Variants in ITGAV observed in about 807,000 individuals in gnomAD.
ITGAV encodes integrin alpha-V.
Under a neutral mutation model 143.8 loss-of-function variants are expected in ITGAV, and 76 were observed. The observed-to-expected ratio is 0.53, with a 90% CI of 0.44 to 0.64. The LOEUF is 0.64. ITGAV is among the 30% of genes least tolerant of loss of function. The pLI, the probability that ITGAV is intolerant of heterozygous loss-of-function variation, is 0.00. For synonymous variants in ITGAV, 453 were observed against 446.7 expected (o/e 1.01, Z -0.18); for missense variants, 1,193 against 1,274.7 (o/e 0.94, Z 0.98).
intron 10 of ITGAV, among the ~76,000 whole-genome samples, chr2:186,639,435 G>A (rs1378712363): frequency 6.6e-6 from 1 of 152,112 alleles, no homozygotes; most frequent in South Asian, 2.1e-4. Flanking sequence ...GGAGGGCCCT[G>A]CAGTTGACAG....
intron 3 of ITGAV, among the ~76,000 whole-genome samples, chr2:186,624,920 C>A (rs12620429): frequency 0.13 from 19,022 of 149,248 alleles, 1,487 homozygotes; most frequent in Middle Eastern, 0.22. Flanking sequence ...AAGAAATATA[C>A]TACCTGAAAT....
At chr2:186,648,954 GTATA>G (rs772019697) in intron 13 of ITGAV, among the ~76,000 whole-genome samples, 98 of 145,266 alleles carry the variant, frequency 6.7e-4, no homozygotes, top group African/African-American at 2.2e-3. Context: ...ACATTTGTGT[GTATA>G]TATATATACA....
intron 26 of ITGAV, among the ~76,000 whole-genome samples, chr2:186,671,802 T>C (rs1398578573): frequency 6.6e-6 from 1 of 152,162 alleles, no homozygotes; most frequent in Non-Finnish European, 1.5e-5. Flanking sequence ...CAGCCCCTGG[T>C]GACCACTAAT....
chr2:186,630,972 A>C, intron 5 of ITGAV, 114 bp downstream of exon 5: 1 of 555,880 alleles, frequency 1.8e-6, no homozygotes, highest in East Asian at 2.7e-5. Context: ...CTCTTTAATG[A>C]AAACAGTTAA....
chr2:186,623,282 G>T (rs1215885262), intron 3 of ITGAV, among the ~76,000 whole-genome samples: 1 of 151,500 alleles, frequency 6.6e-6, no homozygotes, highest in Non-Finnish European at 1.5e-5. Context: ...ATTATGTTTT[G>T]TTTTCTCTGC....
rs199650772 is a variant in ITGAV at position 186,669,730 on chromosome 2, T to C, written c.2622T>C (p.Asn874=). 16 of 1,613,950 alleles carry C rather than the reference T, an allele frequency of 9.9e-6. No individual in the cohort carries two copies. The African/African-American group carries it at 1.6e-4, about 16-fold the overall frequency. ...KISSLQTTEK[N]DTVAGQGERD... ...CATCTTTGCAAACAACTGAAAAGAA[T>C]GACACGGTTGCCGGGCAAGGTGAGC... Residue 874 remains asparagine, a synonymous_variant, in exon 26 of 30, where the codon AAT becomes AAC. Coordinates refer to ENST00000261023, the MANE Select transcript of ITGAV (RefSeq NM_002210.5).
At chr2:186,597,333 T>G (rs1686774326) in intron 1 of ITGAV, among the ~76,000 whole-genome samples, 3 of 152,184 alleles carry the variant, frequency 2.0e-5, no homozygotes, top group African/African-American at 7.2e-5. Context: ...CACAAGGAAA[T>G]TGTTTTAAGG....
chr2:186,669,551 C>T (rs932737538), intron 25 of ITGAV, 150 bp from the exon 26 acceptor site: 94 of 594,892 alleles, frequency 1.6e-4, no homozygotes, highest in Non-Finnish European at 2.4e-4. Context: ...TCTGTCCTTA[C>T]TGCTCACTAT....
chr2:186,617,710 A>G (rs1432210322), intron 2 of ITGAV, among the ~76,000 whole-genome samples: 1 of 152,182 alleles, frequency 6.6e-6, no homozygotes, highest in African/African-American at 2.4e-5. Flanking sequence ...TTTAAGATTT[A>G]AGTTATTTAA....
rs1334165907 is a variant in ITGAV at position 186,590,265 on chromosome 2, G to A, written c.-74G>A. 1.8e-5 allele frequency: 23 copies of A among 1,271,748 alleles called. No individual in the cohort carries two copies. The highest frequency in any genetic ancestry group is 2.2e-5 in the Non-Finnish European group (22 of 985,804). The allele number at this position is 1,271,748 out of a possible 1,614,324, so 78.8% of individuals were successfully genotyped here. ...GGGCGCGCGCAGGCGGCGGGCCGCG[G>A]GCACTGGGCGCCTCGCTGGGGCGGG... is the stretch of plus-strand genomic sequence containing the variant. On this transcript the variant is annotated 5_prime_UTR_variant, in exon 1 of 30. Transcript: ENST00000261023.
chr2:186,600,395 A>C (rs1006344787), intron 1 of ITGAV: 2 of 1,538,252 alleles, frequency 1.3e-6, no homozygotes, highest in African/African-American at 2.8e-5. Flanking sequence ...AGTTCCTTAG[A>C]AATAACTTCT....
intron 10 of ITGAV, among the ~76,000 whole-genome samples, chr2:186,639,981 T>C (rs1180369036): frequency 6.6e-6 from 1 of 152,210 alleles, no homozygotes; most frequent in African/African-American, 2.4e-5. Flanking sequence ...ACACCTTTCA[T>C]TTTCCCAATT....
chr2:186,590,739 T>C (rs912716575), intron 1 of ITGAV, among the ~76,000 whole-genome samples: 12 of 152,148 alleles, frequency 7.9e-5, no homozygotes, highest in African/African-American at 2.4e-4. Context: ...GCTTCTCACC[T>C]CTTAAAATTG....
chr2:186,671,892 T>G (rs2105750749), intron 26 of ITGAV, among the ~76,000 whole-genome samples: 1 of 152,080 alleles, frequency 6.6e-6, no homozygotes, highest in East Asian at 1.9e-4. Context: ...GTGTCTAGCC[T>G]TCTTTCATGT....
Position 186,600,796 on chromosome 2 carries a change from T to TA in ITGAV, c.186-1220dup, listed in dbSNP as rs538427425. On this transcript the variant is annotated intron_variant, in intron 1 of 29. Coordinates refer to ENST00000261023, the MANE Select transcript of ITGAV (RefSeq NM_002210.5). Reference sequence around the variant, plus strand: ...CAATATGGTGAAACCCTGTCTCTACTAAAAATATAAAAATTAGCCAGGCGT... The same window carrying TA: ...CAATATGGTGAAACCCTGTCTCTACTAAAAAATATAAAAATTAGCCAGGCGT... Among the ~76,000 whole-genome samples, 1,098 of 152,210 alleles carry TA rather than the reference T, an allele frequency of 7.2e-3. 6 individuals carry two copies. Among genetic ancestry groups the TA allele is most frequent in the South Asian group, 0.016 (79 of 4,812 alleles).
chr2:186,628,387 G>A (rs555314895), intron 4 of ITGAV, among the ~76,000 whole-genome samples: 2 of 152,148 alleles, frequency 1.3e-5, no homozygotes, highest in East Asian at 3.9e-4. Context: ...TATGGACACC[G>A]TGGACAAGGA....
intron 6 of ITGAV, among the ~76,000 whole-genome samples, chr2:186,634,460 G>GA (rs5836990): frequency 0.77 from 116,515 of 152,072 alleles, 45,142 homozygotes; most frequent in East Asian, 0.93. Flanking sequence ...CTTCTTTGTA[G>GA]AAAACATGCT....
chr2:186,614,805 A>G (rs1423653271), intron 2 of ITGAV, among the ~76,000 whole-genome samples: 1 of 151,932 alleles, frequency 6.6e-6, no homozygotes, highest in Non-Finnish European at 1.5e-5. Flanking sequence ...TTTCTGTTCA[A>G]TGCTACAGCT....
At position 186,678,422 on chromosome 2, in the gene ITGAV, T is replaced by G. The variant is rs1689271714; in HGVS notation, c.*1130T>G. 5.7e-6 allele frequency: 1 copy of G among 174,928 alleles called. No individual in the cohort carries two copies. Among genetic ancestry groups the G allele is most frequent in the African/African-American group, 2.4e-5 (1 of 41,702 alleles). 10.8% of individuals were successfully genotyped at this position (174,928 alleles called of 1,614,324 possible). A position where few individuals can be genotyped will look rare whatever the true frequency, so the allele number is the denominator to read the frequency against. ...AAAACTCTTAAGGCAACTCACTGAT[T>G]TACTTCTAGCAATAGCATGATGTTA... On this transcript the variant is annotated 3_prime_UTR_variant, in exon 30 of 30. Transcript: ENST00000261023.
Sources: gnomAD v4.1 joint callset for allele counts (sites outside exome capture counted in the v4.1 genomes callset) on GRCh38, gnomAD v4.1.1 for gene constraint, MANE v1.5 for transcripts, NCBI Gene and HGNC (gene_info 2026-07-23, HGNC 2026-07-21) for gene names.